Variants in ZFAT observed in about 807,000 individuals in gnomAD.
The protein encoded by ZFAT is zinc finger and AT-hook domain containing.
In ZFAT, 64 loss-of-function variants were observed where a neutral mutation model predicts 117.7. The observed-to-expected ratio is 0.54, with a 90% CI of 0.44 to 0.67. The LOEUF (loss-of-function observed/expected upper bound fraction) is 0.67, where lower values mean the gene tolerates loss of function less well. Ranked by LOEUF, ZFAT falls within the 30% of genes least tolerant of loss-of-function variation. The pLI is 0.00. For missense variants in ZFAT, 1,433 were observed against 1,584.5 expected (o/e 0.90, Z 1.62); for synonymous variants, 679 against 615.0 (o/e 1.10, Z -1.54).
chr8:134,539,721 T>C (rs1822110097), intron 11 of ZFAT, among the ~76,000 whole-genome samples: 1 of 152,136 alleles, frequency 6.6e-6, no homozygotes. Flanking sequence ...AGACCAGTTA[T>C]ACACTGCTGA....
chr8:134,533,166 G>A (rs1586657318), intron 11 of ZFAT, among the ~76,000 whole-genome samples, 194 bp from the exon 12 acceptor site: 1 of 152,278 alleles, frequency 6.6e-6, no homozygotes, highest in East Asian at 1.9e-4. Flanking sequence ...CCAAGGGACC[G>A]GGACAAGGTG....
chr8:134,577,180 T>C (rs948886723), intron 10 of ZFAT, among the ~76,000 whole-genome samples: 2 of 152,230 alleles, frequency 1.3e-5, no homozygotes, highest in African/African-American at 4.8e-5. Flanking sequence ...AAGGGTTTAA[T>C]CGAGCCCTTT....
chr8:134,774,989 A>G, the ZFAT span, among the ~76,000 whole-genome samples: 5 of 152,152 alleles, frequency 3.3e-5, no homozygotes, highest in Admixed American at 3.3e-4. Flanking sequence ...GTGGTGGCGT[A>G]TGCCTGTAGT....
chr8:134,489,645 G>C (rs771123895), intron 15 of ZFAT, among the ~76,000 whole-genome samples: 1 of 152,150 alleles, frequency 6.6e-6, no homozygotes, highest in Non-Finnish European at 1.5e-5. Context: ...CCCCAGGAGG[G>C]CTCTTCTCTC....
chr8:134,686,427 T>C (rs927628078), intron 1 of ZFAT, among the ~76,000 whole-genome samples: 2 of 152,198 alleles, frequency 1.3e-5, no homozygotes, highest in Non-Finnish European at 2.9e-5. Context: ...TCACTGGTTA[T>C]GCAGTGAGTT....
the ZFAT span, among the ~76,000 whole-genome samples, chr8:134,817,766 GA>G: frequency 6.6e-6 from 1 of 151,982 alleles, no homozygotes; most frequent in South Asian, 2.1e-4. Flanking sequence ...AAGAAAATTG[GA>G]AGACTACATG....
At chr8:134,795,909 T>C in the ZFAT span, 3 of 152,354 alleles carry the variant, frequency 2.0e-5, no homozygotes, top group East Asian at 5.8e-4. Flanking sequence ...AGGCTGCTTC[T>C]TTAATTCAGC....
At chr8:134,553,725 ACAAGCC>A (rs1210233290) in intron 11 of ZFAT, among the ~76,000 whole-genome samples, 4 of 152,204 alleles carry the variant, frequency 2.6e-5, no homozygotes, top group Non-Finnish European at 5.9e-5. Context: ...GAACAACGTG[ACAAGCC>A]CTCTTTATTT....
At chr8:134,808,958 G>A in the ZFAT span, among the ~76,000 whole-genome samples, 1 of 152,196 alleles carries the variant, frequency 6.6e-6, no homozygotes, top group Non-Finnish European at 1.5e-5. Context: ...TGAAGGATTT[G>A]ACAGCTAGAC....
At chr8:134,715,320 A>C (rs1178439129), upstream of ZFAT, among the ~76,000 whole-genome samples, 1 of 152,240 alleles carries the variant, frequency 6.6e-6, no homozygotes. Context: ...TTGGAAAGCT[A>C]TGATTTTCTC....
intron 8 of ZFAT, among the ~76,000 whole-genome samples, chr8:134,589,263 G>A (rs1249499356): frequency 6.6e-6 from 1 of 152,226 alleles, no homozygotes; most frequent in Non-Finnish European, 1.5e-5. Context: ...ACATGAGAAG[G>A]ACAGAGCTGG....
At chr8:134,755,431 T>A in the ZFAT span, among the ~76,000 whole-genome samples, 10 of 148,838 alleles carry the variant, frequency 6.7e-5, no homozygotes, top group African/African-American at 2.5e-4. Context: ...AAAAAAAGCT[T>A]TTAGGGTGTA....
the ZFAT span, among the ~76,000 whole-genome samples, chr8:134,740,990 C>A: frequency 6.6e-6 from 1 of 152,160 alleles, no homozygotes; most frequent in East Asian, 1.9e-4. Context: ...TTCTCCCTCC[C>A]TTTTCCCTCT....
the ZFAT span, among the ~76,000 whole-genome samples, chr8:134,817,861 T>A: frequency 6.6e-6 from 1 of 152,088 alleles, no homozygotes; most frequent in Non-Finnish European, 1.5e-5. Flanking sequence ...GAGTCCAAAA[T>A]AGAACTACTA....
intron 1 of ZFAT, among the ~76,000 whole-genome samples, chr8:134,667,222 A>G (rs28808902): frequency 0.35 from 52,554 of 152,042 alleles, 9,445 homozygotes; most frequent in South Asian, 0.43. Context: ...GGCTGGGTGC[A>G]GTGGCTCACA....
At chr8:134,809,663 A>C in the ZFAT span, among the ~76,000 whole-genome samples, 1 of 152,232 alleles carries the variant, frequency 6.6e-6, no homozygotes, top group South Asian at 2.1e-4. Context: ...TAACATTAAA[A>C]TCCTAGGATG....
chr8:134,768,609 C>T, the ZFAT span, among the ~76,000 whole-genome samples: 2 of 152,134 alleles, frequency 1.3e-5, no homozygotes, highest in Admixed American at 6.5e-5. Context: ...TGCAGGGAAA[C>T]TCCCTTTTTA....
chr8:134,602,262 TC>T lies in ZFAT; in HGVS notation c.1456del (p.Glu486ArgfsTer43). The T allele has an allele frequency of 1.9e-6, 3 of 1,613,848 alleles. No individual in the cohort carries two copies. The highest frequency in any genetic ancestry group is 2.5e-6 in the Non-Finnish European group (3 of 1,180,052). On this transcript the variant is annotated frameshift_variant, in exon 6 of 16. Coordinates refer to ENST00000377838, the MANE Select transcript of ZFAT (RefSeq NM_020863.4). LOFTEE classifies it high-confidence loss of function. Reference protein sequence around the residue: ...HIKEVHGAAQEALVFTSSINQ... With the variant: ...HIKEVHGAAQXALVFTSSINQ... Reference sequence around the variant, plus strand: ...GATGGAACTGGTGAAGACCAAGGCCTCCTGGGCAGCCCCGTGCACCTCTTTG... The same window carrying T: ...GATGGAACTGGTGAAGACCAAGGCCTCTGGGCAGCCCCGTGCACCTCTTTG...
At chr8:134,481,174 A>G (rs1817278074) in intron 15 of ZFAT, among the ~76,000 whole-genome samples, 1 of 152,156 alleles carries the variant, frequency 6.6e-6, no homozygotes, top group Non-Finnish European at 1.5e-5. Context: ...TTAGAAGTAA[A>G]TATTAATTTA....
Sources: allele counts gnomAD v4.1 joint callset (sites outside exome capture counted in the v4.1 genomes callset), GRCh38; gene constraint gnomAD v4.1.1; transcripts MANE v1.5; gene names NCBI Gene and HGNC (gene_info 2026-07-23, HGNC 2026-07-21).